Variants in PKP4 observed in about 807,000 individuals in gnomAD.
The protein encoded by PKP4 is plakophilin 4, also known as plakophilin-4.
A neutral mutation model predicts 145.1 loss-of-function variants in PKP4; 90 were observed. That is an observed-to-expected ratio of 0.62 (90% CI 0.52 to 0.74). The LOEUF (loss-of-function observed/expected upper bound fraction) is 0.74, where lower values mean the gene tolerates loss of function less well. Ranked by LOEUF, PKP4 falls within the 30% of genes least tolerant of loss-of-function variation. The pLI, the probability that PKP4 is intolerant of heterozygous loss-of-function variation, is 0.00. For synonymous variants in PKP4, 563 were observed against 577.2 expected (o/e 0.98, Z 0.35); for missense variants, 1,340 against 1,482.7 (o/e 0.90, Z 1.58).
chr2:158,665,300 A>G lies in PKP4; in HGVS notation c.2578-1113A>G, dbSNP rs973580003. On this transcript the variant is annotated intron_variant, in intron 15 of 21. Transcript: ENST00000389759. ...AAACTGCCTGAGTGCTTTGCCTAGT[A>G]ACCAGTCATGTACTTCATTTTCCCC... Among the ~76,000 whole-genome samples the G allele has an allele frequency of 3.3e-5, 5 of 152,180 alleles. No individual in the cohort carries two copies. The East Asian group carries it at 9.6e-4, about 29-fold the overall frequency.
intron 3 of PKP4, among the ~76,000 whole-genome samples, chr2:158,577,833 TTACTA>T (rs2047989036): frequency 6.6e-6 from 1 of 152,200 alleles, no homozygotes; most frequent in Admixed American, 6.5e-5. Flanking sequence ...CACAAACTAA[TTACTA>T]TATGGAATAA....
chr2:158,580,626 G>A (rs1050946311), intron 3 of PKP4, among the ~76,000 whole-genome samples: 6 of 152,216 alleles, frequency 3.9e-5, no homozygotes, highest in African/African-American at 7.2e-5. Flanking sequence ...TTTTTTGAGA[G>A]TGCAGTGTGT....
rs999943180 is a variant in PKP4 at position 158,624,674 on chromosome 2, C to CA, written c.604-187dup. ...AATTTTAGCATTTGGTTTAAACCAC[C>CA]AAAAAAAAAAAAAAAAACTAAAACA... On this transcript the variant is annotated intron_variant, in intron 6 of 21. Transcript: ENST00000389759. Among the ~76,000 whole-genome samples the CA allele has an allele frequency of 0.14, 11,299 of 81,038 alleles. 827 individuals are homozygous for CA. Among genetic ancestry groups the CA allele is most frequent in the African/African-American group, 0.29 (7,555 of 25,664 alleles). 53.2% of individuals were successfully genotyped at this position (81,038 alleles called of 152,430 possible). A position where few individuals can be genotyped will look rare whatever the true frequency, so the allele number is the denominator to read the frequency against.
chr2:158,610,349 G>T (rs1022997299), intron 4 of PKP4, among the ~76,000 whole-genome samples: 13 of 151,832 alleles, frequency 8.6e-5, no homozygotes, highest in African/African-American at 2.9e-4. Context: ...CAAAATTTGA[G>T]GTAACTTGTA....
intron 1 of PKP4, among the ~76,000 whole-genome samples, chr2:158,487,219 G>A (rs1424602216): frequency 6.6e-6 from 1 of 152,140 alleles, no homozygotes; most frequent in East Asian, 1.9e-4. Context: ...ACATAGTAGA[G>A]CCTTAAGGCC....
chr2:158,566,296 T>A (rs1028676049), intron 2 of PKP4, among the ~76,000 whole-genome samples: 1 of 152,180 alleles, frequency 6.6e-6, no homozygotes, highest in African/African-American at 2.4e-5. Context: ...TTTATATTTT[T>A]TACTGTGTTT....
intron 1 of PKP4, among the ~76,000 whole-genome samples, chr2:158,484,082 C>T (rs1406726637): frequency 2.7e-5 from 4 of 148,188 alleles, no homozygotes; most frequent in Admixed American, 6.8e-5. Context: ...TCGCCCAGGC[C>T]GGACTGCGGA....
At chr2:158,574,574 A>T (rs560025433) in intron 2 of PKP4, among the ~76,000 whole-genome samples, 1 of 152,220 alleles carries the variant, frequency 6.6e-6, no homozygotes, top group Admixed American at 6.5e-5. Flanking sequence ...TGCCATTCAC[A>T]TGTGCGTGTG....
intron 2 of PKP4, chr2:158,549,006 C>G: frequency 5.8e-6 from 1 of 173,698 alleles, no homozygotes; most frequent in Non-Finnish European, 1.2e-5. Context: ...GATGTCTGTG[C>G]ATAGGAAGAC....
At chr2:158,473,820 C>T (rs1288736787) in intron 1 of PKP4, among the ~76,000 whole-genome samples, 5 of 152,070 alleles carry the variant, frequency 3.3e-5, no homozygotes, top group African/African-American at 9.7e-5. Context: ...CATATATATC[C>T]ATTTAAAGCA....
At chr2:158,626,982 A>G (rs1191453670) in intron 7 of PKP4, among the ~76,000 whole-genome samples, 2 of 152,158 alleles carry the variant, frequency 1.3e-5, no homozygotes, top group Non-Finnish European at 2.9e-5. Flanking sequence ...TAGTAAAATT[A>G]GTATCTTTTT....
intron 2 of PKP4, among the ~76,000 whole-genome samples, chr2:158,556,519 C>A (rs1400832197): frequency 1.6e-5 from 1 of 61,684 alleles, no homozygotes; most frequent in Non-Finnish European, 3.8e-5. Flanking sequence ...GTGGCTCTTT[C>A]TCTCTTTTTT....
intron 1 of PKP4, among the ~76,000 whole-genome samples, chr2:158,480,546 C>CTT (rs953270149): frequency 2.8e-5 from 4 of 143,208 alleles, no homozygotes; most frequent in Admixed American, 1.4e-4. Flanking sequence ...CTCTGGGATT[C>CTT]TTTTTTTTTT....
chr2:158,544,495 C>T (rs2044800151), intron 2 of PKP4, among the ~76,000 whole-genome samples: 1 of 152,136 alleles, frequency 6.6e-6, no homozygotes, highest in Non-Finnish European at 1.5e-5. Context: ...GTTTTCCCCA[C>T]CGTAAGTATT....
At chr2:158,546,678 A>T (rs747696669) in intron 2 of PKP4, among the ~76,000 whole-genome samples, 23 of 152,180 alleles carry the variant, frequency 1.5e-4, no homozygotes, top group Non-Finnish European at 2.9e-4. Context: ...AAGCATAGAA[A>T]AACAGCATGG....
At position 158,669,771 on chromosome 2, in the gene PKP4, C is replaced by G; in HGVS notation, c.2780C>G (p.Pro927Arg). Residue 927 changes from proline to arginine, a missense_variant, in exon 17 of 22, where the codon CCC (proline) becomes CGC (arginine). Physicochemically the swap from Pro to Arg is moderately radical, Grantham distance 103 (BLOSUM62 -2). Coordinates refer to ENST00000389759, the MANE Select transcript of PKP4 (RefSeq NM_003628.6). ...AACCGGCTCCCCGGCGGCAATGGCC[C>G]CAGTGTCTTGTCTGATGAGACCATG... ...LVNRLPGGNGPSVLSDETMAA... is the reference protein window; with the variant it reads ...LVNRLPGGNGRSVLSDETMAA... 1.2e-6 allele frequency: 2 copies of G among 1,609,796 alleles called. No individual in the cohort carries two copies. The highest frequency in any genetic ancestry group is 1.7e-6 in the Non-Finnish European group (2 of 1,177,076).
At chr2:158,656,484 A>G (rs887585646) in intron 11 of PKP4, among the ~76,000 whole-genome samples, 1 of 152,186 alleles carries the variant, frequency 6.6e-6, no homozygotes, top group Non-Finnish European at 1.5e-5. Flanking sequence ...TACTTGCCTG[A>G]TTCAGAACTG....
At chr2:158,620,558 C>G (rs1445182156) in intron 4 of PKP4, among the ~76,000 whole-genome samples, 1 of 152,194 alleles carries the variant, frequency 6.6e-6, no homozygotes, top group Non-Finnish European at 1.5e-5. Context: ...ATGTGCTCTA[C>G]CTTCAGAGGC....
intron 3 of PKP4, among the ~76,000 whole-genome samples, chr2:158,581,176 C>A (rs1301504139): frequency 6.6e-6 from 1 of 152,182 alleles, no homozygotes; most frequent in East Asian, 1.9e-4. Context: ...CAGAGAAGAA[C>A]AGAAATTAGC....
Sources: gnomAD v4.1 joint callset for allele counts (sites outside exome capture counted in the v4.1 genomes callset) on GRCh38, gnomAD v4.1.1 for gene constraint, MANE v1.5 for transcripts, NCBI Gene and HGNC (gene_info 2026-07-23, HGNC 2026-07-21) for gene names.